The following ALG1L2 variants were observed in gnomAD, a reference collection of about 807,000 sequenced individuals.
ALG1L2 encodes ALG1 chitobiosyldiphosphodolichol beta-mannosyltransferase like 2.
Under a neutral mutation model 29.0 loss-of-function variants are expected in ALG1L2, and 32 were observed. The ratio of observed to expected loss-of-function variants is 1.10; its 90% CI spans 0.83 to 1.48. The LOEUF (loss-of-function observed/expected upper bound fraction) is 1.48, where lower values mean the gene tolerates loss of function less well. Among genes scored for constraint, ALG1L2 ranks in the 40% most tolerant of loss-of-function variants. The probability of loss-of-function intolerance (pLI) is 0.00; values close to 1 mark genes in which losing one functional copy is unlikely to be tolerated. For missense variants in ALG1L2, 318 were observed against 274.1 expected, an observed-to-expected ratio of 1.16 and a Z score of -1.13; for synonymous variants, 110 against 109.5, an observed-to-expected ratio of 1.00 and a Z score of -0.03.
chr3:130,094,431 C>G lies in ALG1L2; in HGVS notation c.342C>G (p.Ser114Arg). ...TGKGPLREYY[S>R]RLIHQKHFQH... ...AAGGGCCTCTGAGGGAGTATTACAG[C>G]CGCCTCATCCACCAGAAGCATTTCC... The change falls in exon 5 of 8, where the codon AGC (serine) becomes AGG (arginine). Residue 114 changes from serine to arginine, a missense_variant. Physicochemically the swap from Ser to Arg is moderately radical, Grantham distance 110. Coordinates refer to ENST00000425059, the MANE Select transcript of ALG1L2 (RefSeq NM_001136152.1). 6.3e-7 allele frequency: 1 copy of G among 1,596,278 alleles called. No homozygotes were observed. Among genetic ancestry groups the G allele is most frequent in the Non-Finnish European group, 8.5e-7 (1 of 1,179,652 alleles).
At chr3:130,093,262 C>A (rs1935059361) in intron 4 of ALG1L2, 102 bp downstream of exon 4, 2 of 1,374,348 alleles carry the variant, frequency 1.5e-6, no homozygotes, top group Non-Finnish European at 2.1e-6. Context: ...TCTCCTTAAT[C>A]CTCACTGCAG....
intron 1 of ALG1L2, among the ~76,000 whole-genome samples, chr3:130,089,698 G>A (rs1006516508): frequency 2.0e-5 from 3 of 152,294 alleles, no homozygotes; most frequent in Non-Finnish European, 2.9e-5. Flanking sequence ...CTGTTCTAAA[G>A]TCTGCACGTT....
chr3:130,093,248 C>A, intron 4 of ALG1L2, 88 bp downstream of exon 4: 3 of 1,458,274 alleles, frequency 2.1e-6, no homozygotes, highest in South Asian at 1.1e-5. Context: ...TTCCCACGAT[C>A]TTGTCTCCTT....
rs1451375577 is a variant in ALG1L2 at position 130,082,259 on chromosome 3, TCCCGAGCTGAGAGGGAC to T, written c.20+232_20+248del. On this transcript the variant is annotated intron_variant, in intron 1 of 7. Coordinates refer to ENST00000425059, the MANE Select transcript of ALG1L2 (RefSeq NM_001136152.1). ...GTTTGGCCTGTGTAGTCACACAGGG[TCCCGAGCTGAGAGGGAC>T]CCCGAGCTTGGCTTAATGCTCTGCT... is the stretch of plus-strand genomic sequence containing the variant. 8.3e-5 allele frequency among the ~76,000 whole-genome samples: 11 copies of T among 132,466 alleles called. 1 individual carries two copies. Among genetic ancestry groups the T allele is most frequent in the East Asian group, 2.1e-4 (1 of 4,720 alleles). 86.9% of individuals were successfully genotyped at this position (132,466 alleles called of 152,430 possible).
At position 130,093,144 on chromosome 3, in the gene ALG1L2, C is replaced by T. The variant is rs768958647; in HGVS notation, c.297C>T (p.Leu99=). 5.2e-5 allele frequency: 84 copies of T among 1,610,600 alleles called. 1 individual carries two copies. The highest frequency in any genetic ancestry group is 4.4e-4 in the Middle Eastern group (2 of 4,496). Residue 99 remains leucine (L), a synonymous_variant, in exon 4 of 8, where the codon CTC becomes CTT. Transcript: ENST00000425059. ...TTGACGGACAGAACCTTCCTTCTCT[C>T]GTCTGTGTGATAACAGGTACTGCCT... ...LTLDGQNLPS[L]VCVITGKGPL... is the part of the protein sequence containing the mutation.
intron 2 of ALG1L2, 52 bp from the exon 3 acceptor site, chr3:130,092,049 G>A: frequency 2.5e-6 from 4 of 1,602,868 alleles, no homozygotes; most frequent in Admixed American, 1.7e-5. Context: ...GCCCGTTCTG[G>A]GTCCTGGGCC....
At chr3:130,083,165 G>C (rs1319926502) in intron 1 of ALG1L2, among the ~76,000 whole-genome samples, 1 of 141,990 alleles carries the variant, frequency 7.0e-6, no homozygotes, top group African/African-American at 2.5e-5. Flanking sequence ...CAGCTGAATG[G>C]CCAGGTGTGG....
chr3:130,091,339 G>A lies in ALG1L2; in HGVS notation c.99G>A (p.Lys33=), dbSNP rs6804155. Residue 33 remains lysine (K), a synonymous_variant, in exon 2 of 8, where the codon AAG becomes AAA. Transcript: ENST00000425059. ...PLDLQHRLFM[K]LGSTHSPFRA... ...ACCTGCAGCACCGGCTCTTCATGAAGCTGGGCAGCACGCACTCTCCGTTCA... is the reference window on the plus strand; with the variant it reads ...ACCTGCAGCACCGGCTCTTCATGAAACTGGGCAGCACGCACTCTCCGTTCA... The A allele has an allele frequency of 2.2e-3, 3,504 of 1,597,636 alleles. 53 individuals carry two copies. In the African/African-American group the frequency reaches 0.036, roughly 16 times the overall value.
intron 1 of ALG1L2, among the ~76,000 whole-genome samples, chr3:130,087,047 G>A (rs1318166451): frequency 6.7e-6 from 1 of 149,926 alleles, no homozygotes; most frequent in Non-Finnish European, 1.5e-5. Context: ...GATCCTTACA[G>A]CCTTGTTAGA....
At chr3:130,096,014 ACCAGCGCTCTGGC>A in intron 5 of ALG1L2, 22 bp from the exon 6 acceptor site, 1 of 1,581,916 alleles carries the variant, frequency 6.3e-7, no homozygotes, top group African/African-American at 1.3e-5. Context: ...CGGGGCAGAG[ACCAGCGCTCTGGC>A]CACACCCCTC....
At chr3:130,093,372 C>G (rs1469115739) in intron 4 of ALG1L2, among the ~76,000 whole-genome samples, 1 of 151,766 alleles carries the variant, frequency 6.6e-6, no homozygotes, top group African/African-American at 2.4e-5. Flanking sequence ...CTGTAGATAC[C>G]AAGCTTTCTA....
In ALG1L2 at chr3:130,085,858, C is replaced by T. The variant is rs148603145; in HGVS notation, c.20+3822C>T. Among the ~76,000 whole-genome samples, 195 of 149,620 alleles carry T rather than the reference C, an allele frequency of 1.3e-3. 1 individual carries two copies. Among genetic ancestry groups the T allele is most frequent in the South Asian group, 4.0e-3 (19 of 4,704 alleles). On this transcript the variant is annotated intron_variant, in intron 1 of 7. Coordinates refer to ENST00000425059, the MANE Select transcript of ALG1L2 (RefSeq NM_001136152.1). ...GCTGTGGCCACAATCTCCGCAAAAA[C>T]GCAATGTTTCTCCCGCAGCACTTAG...
At chr3:130,089,761 C>T (rs187166795) in intron 1 of ALG1L2, among the ~76,000 whole-genome samples, 2,635 of 149,810 alleles carry the variant, frequency 0.018, no homozygotes, top group South Asian at 0.064. Context: ...AATTGAAGGG[C>T]CAGGTGCAGT....
intron 2 of ALG1L2, 111 bp from the exon 3 acceptor site, chr3:130,091,990 C>A (rs780597072): frequency 2.6e-6 from 4 of 1,540,526 alleles, no homozygotes; most frequent in Non-Finnish European, 3.5e-6. Context: ...CTGATGCAGC[C>A]GGGCACCCCA....
chr3:130,086,018 C>G (rs1206207701), intron 1 of ALG1L2, among the ~76,000 whole-genome samples: 7 of 151,526 alleles, frequency 4.6e-5, no homozygotes, highest in African/African-American at 1.7e-4. Context: ...CTGCTCATTG[C>G]TCTGCCTGCC....
At chr3:130,084,562 G>A (rs1280887501) in intron 1 of ALG1L2, among the ~76,000 whole-genome samples, 4 of 131,492 alleles carry the variant, frequency 3.0e-5, no homozygotes, top group South Asian at 2.4e-4. Flanking sequence ...TGGGCGGGGC[G>A]GTAGTGGTGA....
intron 6 of ALG1L2, among the ~76,000 whole-genome samples, chr3:130,096,706 C>A (rs2449401): frequency 0.97 from 147,214 of 152,160 alleles, 71,419 homozygotes; most frequent in East Asian, 1. Context: ...GCAAAAGTTG[C>A]GCCCTTGGCC....
At chr3:130,093,898 T>A (rs1006014914) in intron 4 of ALG1L2, 1 of 185,022 alleles carries the variant, frequency 5.4e-6, no homozygotes, top group Non-Finnish European at 1.1e-5. Context: ...CTCCCTCCTC[T>A]GGCCTCTAGG....
At position 130,087,788 on chromosome 3, in the gene ALG1L2, A is replaced by G. The variant is rs562690203; in HGVS notation, c.21-3473A>G. ...ATAATTAAATGAATGAAAAAGTGCA[A>G]TGTTTCTGCAGGTGTCGACCTTGGC... On this transcript the variant is annotated intron_variant, in intron 1 of 7. Coordinates refer to ENST00000425059, the MANE Select transcript of ALG1L2 (RefSeq NM_001136152.1). Among the ~76,000 whole-genome samples the G allele has an allele frequency of 2.4e-4, 29 of 123,010 alleles. 2 individuals are homozygous for G. The highest frequency in any genetic ancestry group is 2.8e-4 in the Non-Finnish European group (15 of 52,796). The allele number at this position is 123,010 out of a possible 152,430, so 80.7% of individuals were successfully genotyped here.
Sources: gnomAD v4.1 joint callset for allele counts (sites outside exome capture counted in the v4.1 genomes callset) on GRCh38, gnomAD v4.1.1 for gene constraint, MANE v1.5 for transcripts, NCBI Gene and HGNC (gene_info 2026-07-23, HGNC 2026-07-21) for gene names.